Variants in CHODL observed in about 807,000 individuals in gnomAD.
CHODL encodes the protein chondrolectin.
Under a neutral mutation model 34.5 loss-of-function variants are expected in CHODL, and 29 were observed. The observed-to-expected ratio is 0.84, with a 90% CI of 0.63 to 1.15. CHODL has a LOEUF of 1.15. Among genes scored for constraint, CHODL ranks in the 50% most tolerant of loss-of-function variants. The pLI, the probability that CHODL is intolerant of heterozygous loss-of-function variation, is 0.00. For synonymous variants in CHODL, 125 were observed against 116.1 expected, an observed-to-expected ratio of 1.08 and a Z score of -0.49; for missense variants, 332 against 332.5, an observed-to-expected ratio of 1.00 and a Z score of 0.01.
chr21:18,215,832 A>G (rs1395921150), intron 2 of CHODL, among the ~76,000 whole-genome samples: 1 of 152,098 alleles, frequency 6.6e-6, no homozygotes, highest in African/African-American at 2.4e-5. Context: ...CTATGAGTTT[A>G]CTCTCAAACT....
At chr21:18,216,590 T>C (rs747048856) in intron 2 of CHODL, among the ~76,000 whole-genome samples, 13 of 152,214 alleles carry the variant, frequency 8.5e-5, no homozygotes, top group Non-Finnish European at 1.8e-4. Flanking sequence ...AGCTCATTCA[T>C]GTTGTTGCAA....
intron 1 of CHODL, among the ~76,000 whole-genome samples, chr21:18,025,153 T>A (rs188920376): frequency 6.6e-6 from 1 of 152,300 alleles, no homozygotes; most frequent in Admixed American, 6.5e-5. Flanking sequence ...TCAAAACACC[T>A]AGCAATAAAT....
rs2072611067 is a variant in CHODL at position 18,128,556 on chromosome 21, C to T, written c.-45+100585C>T. ...AATCCAAAGAAAGTACAATTGTATA[C>T]TTACAATTTTAGAAAGGATTAAATG... On this transcript the variant is annotated intron_variant, in intron 2 of 6. Coordinates refer to the CHODL transcript ENST00000400127. Among the ~76,000 whole-genome samples the T allele has an allele frequency of 3.3e-5, 5 of 151,836 alleles. No homozygotes were observed. The South Asian group carries it at 8.3e-4, about 25-fold the overall frequency.
chr21:18,098,446 G>A (rs1230003585), intron 2 of CHODL, among the ~76,000 whole-genome samples: 1 of 151,892 alleles, frequency 6.6e-6, no homozygotes, highest in Non-Finnish European at 1.5e-5. Context: ...TGGCAAACAG[G>A]CATGTAAAAA....
intron 1 of CHODL, among the ~76,000 whole-genome samples, chr21:17,932,309 A>G (rs2146321194): frequency 6.6e-6 from 1 of 152,300 alleles, no homozygotes; most frequent in Admixed American, 6.5e-5. Context: ...AAAACAGCAG[A>G]TGTTTGTGAG....
intron 2 of CHODL, among the ~76,000 whole-genome samples, chr21:18,127,669 ATTGTTTTTTTTTT>A (rs1478264526): frequency 6.5e-5 from 5 of 76,708 alleles, no homozygotes; most frequent in Admixed American, 2.7e-4. Flanking sequence ...TTGCGTTGCC[ATTGTTTTTTTTTT>A]TTTTTTTTTT....
intron 1 of CHODL, among the ~76,000 whole-genome samples, chr21:18,000,015 C>A (rs2063890634): frequency 1.3e-5 from 2 of 152,180 alleles, no homozygotes; most frequent in South Asian, 4.1e-4. Flanking sequence ...AGCACTCCAA[C>A]AATATTTTTC....
chr21:18,266,041 AC>A lies in CHODL; in HGVS notation c.*4del, dbSNP rs776431518. The A allele has an allele frequency of 1.8e-5, 29 of 1,613,700 alleles. No homozygotes were observed. In the Admixed American group the frequency reaches 3.8e-4, roughly 21 times the overall value. On this transcript the variant is annotated 3_prime_UTR_variant, in exon 6 of 6. Coordinates refer to ENST00000299295, the MANE Select transcript of CHODL (RefSeq NM_024944.3). ...AAGAAAGTGGCATGGAAGTATAATAACTCATTGACTTGGTTCCAGAATTTTG... is the reference window on the plus strand; with the variant it reads ...AAGAAAGTGGCATGGAAGTATAATAATCATTGACTTGGTTCCAGAATTTTG...
intron 2 of CHODL, among the ~76,000 whole-genome samples, chr21:18,223,402 A>G (rs1568943737): frequency 6.6e-6 from 1 of 152,234 alleles, no homozygotes; most frequent in Non-Finnish European, 1.5e-5. Flanking sequence ...TACAACTTGT[A>G]TAAGAGCTCA....
intron 1 of CHODL, among the ~76,000 whole-genome samples, chr21:17,960,197 C>G (rs2063521808): frequency 6.6e-6 from 1 of 152,134 alleles, no homozygotes; most frequent in South Asian, 2.1e-4. Context: ...CACTTGGTAT[C>G]CAAGCTTATT....
chr21:18,003,095 G>T (rs1390407552), intron 1 of CHODL, among the ~76,000 whole-genome samples: 6 of 147,508 alleles, frequency 4.1e-5, no homozygotes, highest in African/African-American at 1.5e-4. Context: ...CTGCACTCCA[G>T]CCTGGGCGAC....
chr21:18,178,761 C>T (rs1249706603), intron 2 of CHODL, among the ~76,000 whole-genome samples: 1 of 152,116 alleles, frequency 6.6e-6, no homozygotes, highest in African/African-American at 2.4e-5. Context: ...CTTGCTCTCT[C>T]AGGGGTGGCA....
chr21:18,042,160 T>C (rs567846957), intron 2 of CHODL, among the ~76,000 whole-genome samples: 3 of 151,996 alleles, frequency 2.0e-5, no homozygotes, highest in East Asian at 3.9e-4. Context: ...TCTGGGAATA[T>C]TTTCTGTTTA....
rs73890877 is a variant in CHODL at position 17,985,028 on chromosome 21, T to C, written c.-144-42844T>C. Among the ~76,000 whole-genome samples, 966 of 152,260 alleles carry C rather than the reference T, an allele frequency of 6.3e-3. 13 individuals are homozygous for C. The highest frequency in any genetic ancestry group is 0.022 in the African/African-American group (927 of 41,564). On this transcript the variant is annotated intron_variant, in intron 1 of 6. Transcript: ENST00000400127. ...GAAAGTTTCTGTTTATTAGTCTTCG[T>C]TGTCACAAATTTCCAGGTGAAATTG... is the stretch of plus-strand genomic sequence containing the variant.
At chr21:18,100,617 C>G (rs899312122) in intron 2 of CHODL, among the ~76,000 whole-genome samples, 1 of 151,938 alleles carries the variant, frequency 6.6e-6, no homozygotes, top group Non-Finnish European at 1.5e-5. Flanking sequence ...GAATTTGCTG[C>G]CTTTAGAGGA....
intron 1 of CHODL, chr21:18,245,953 T>G: frequency 6.5e-7 from 1 of 1,535,070 alleles, no homozygotes; most frequent in Non-Finnish European, 8.7e-7. Context: ...TGGTAATGAC[T>G]GCAGGTTCGG....
At chr21:18,123,003 C>A (rs774581998) in intron 2 of CHODL, among the ~76,000 whole-genome samples, 1 of 152,160 alleles carries the variant, frequency 6.6e-6, no homozygotes, top group Non-Finnish European at 1.5e-5. Context: ...GATAAACAAG[C>A]AGCTTTCGAT....
chr21:18,093,059 A>G (rs1249917456), intron 2 of CHODL, among the ~76,000 whole-genome samples: 9 of 152,246 alleles, frequency 5.9e-5, no homozygotes, highest in Non-Finnish European at 5.9e-5. Flanking sequence ...CCAAAGGTCA[A>G]GTATCAAAAA....
intron 2 of CHODL, among the ~76,000 whole-genome samples, chr21:18,070,017 C>CCCTTA (rs2064779943): frequency 2.9e-5 from 2 of 68,956 alleles, no homozygotes; most frequent in Admixed American, 3.0e-4. Context: ...CCCTTCCCTT[C>CCCTTA]CCTTCCCTCC....
Sources: allele counts gnomAD v4.1 joint callset (sites outside exome capture counted in the v4.1 genomes callset), GRCh38; gene constraint gnomAD v4.1.1; transcripts MANE v1.5; gene names NCBI Gene and HGNC (gene_info 2026-07-23, HGNC 2026-07-21).